The following TMEM209 variants were observed in gnomAD, a reference collection of about 807,000 sequenced individuals.
TMEM209 encodes the protein transmembrane protein 209.
TMEM209 carries 65 observed loss-of-function variants against 76.2 expected under a neutral mutation model. That is an observed-to-expected ratio of 0.85 (90% CI 0.70 to 1.05). TMEM209 has a LOEUF of 1.05. Among genes scored for constraint, TMEM209 ranks in the 50% least tolerant of loss-of-function variants. The pLI, the probability that TMEM209 is intolerant of heterozygous loss-of-function variation, is 0.00. For synonymous variants in TMEM209, 239 were observed against 237.6 expected (o/e 1.01, Z -0.06); for missense variants, 623 against 685.5 (o/e 0.91, Z 1.02).
At chr7:130,180,350 G>A in intron 9 of TMEM209, among the ~76,000 whole-genome samples, 1 of 152,018 alleles carries the variant, frequency 6.6e-6, no homozygotes, top group East Asian at 1.9e-4. Context: ...ATTTAAAAAT[G>A]GGTAAAGGAA....
chr7:130,201,322 A>G (rs535102028), intron 5 of TMEM209, among the ~76,000 whole-genome samples: 1 of 152,200 alleles, frequency 6.6e-6, no homozygotes, highest in Non-Finnish European at 1.5e-5. Flanking sequence ...GTTTCTATTA[A>G]TCCTAAAAAT....
chr7:130,170,348 A>G, intron 14 of TMEM209, 52 bp downstream of exon 14: 1 of 1,457,860 alleles, frequency 6.9e-7, no homozygotes, highest in South Asian at 1.2e-5. Flanking sequence ...ATCTTAACAT[A>G]GGAAGAAAAT....
At chr7:130,193,951 C>G (rs1041943975) in intron 5 of TMEM209, among the ~76,000 whole-genome samples, 1 of 150,328 alleles carries the variant, frequency 6.7e-6, no homozygotes, top group Admixed American at 6.6e-5. Context: ...GTAGTCCCAG[C>G]ACTTTGGGAG....
intron 11 of TMEM209, among the ~76,000 whole-genome samples, chr7:130,174,259 C>G (rs1168218702): frequency 6.6e-6 from 1 of 152,090 alleles, no homozygotes; most frequent in Non-Finnish European, 1.5e-5. Flanking sequence ...AGGCTTAATT[C>G]AAATAATCTA....
rs1030123451 is a variant in TMEM209 at position 130,203,847 on chromosome 7, C to T, written c.141-1G>A. 1.3e-6 allele frequency: 2 copies of T among 1,585,322 alleles called. No homozygotes were observed. Among genetic ancestry groups the T allele is most frequent in the Non-Finnish European group, 1.7e-6 (2 of 1,167,438 alleles). The stretch of plus-strand genomic sequence containing the variant: ...GTATGAACTAATCAATTTTCCAGTC[C>T]TGAAAAAAAATTAGAAAGGCTTTCC... On this transcript the variant is annotated splice_acceptor_variant, in intron 2 of 14. Transcript: ENST00000397622. LOFTEE classifies it high-confidence loss of function.
chr7:130,170,582 T>C, intron 13 of TMEM209, 109 bp from the exon 14 acceptor site: 1 of 831,832 alleles, frequency 1.2e-6, no homozygotes, highest in African/African-American at 1.7e-5. Flanking sequence ...GAATTCCATA[T>C]AATTCAGACT....
At chr7:130,189,331 G>C (rs1050844542) in intron 6 of TMEM209, among the ~76,000 whole-genome samples, 1 of 152,096 alleles carries the variant, frequency 6.6e-6, no homozygotes, top group African/African-American at 2.4e-5. Context: ...AGAGTGGCTG[G>C]GATACAGGCT....
chr7:130,173,934 G>C lies in TMEM209; in HGVS notation c.1350C>G (p.Ile450Met). 1 of 1,599,296 alleles carries C rather than the reference G, an allele frequency of 6.3e-7. No homozygotes were observed. The highest frequency in any genetic ancestry group is 8.6e-7 in the Non-Finnish European group (1 of 1,166,752). Reference sequence around the variant, plus strand: ...CAAGGTAGGTGCAAAATACATGCATGATGATCTGAGGATGAAGAAATAATT... The same window carrying C: ...CAAGGTAGGTGCAAAATACATGCATCATGATCTGAGGATGAAGAAATAATT... ...DTDLPTDSAIIMHVFCTYLDS... is the reference protein window; with the variant it reads ...DTDLPTDSAIMMHVFCTYLDS... The change falls in exon 12 of 15, where the codon ATC becomes ATG. Residue 450 changes from isoleucine (I) to methionine (M), a missense_variant. By Grantham distance (10) the Ile-to-Met change is conservative. Transcript: ENST00000397622.
In TMEM209 at chr7:130,175,513, G is replaced by C; in HGVS notation, c.1343C>G (p.Ala448Gly). 6.2e-7 allele frequency: 1 copy of C among 1,611,206 alleles called. No homozygotes were observed. Among genetic ancestry groups the C allele is most frequent in the Non-Finnish European group, 8.5e-7 (1 of 1,178,620 alleles). ...KWDTDLPTDS[A>G]IIMHVFCTYL... ...GAATGAAAGAATCTAGGGGCTTACA[G>C]CAGAATCGGTGGGCAGGTCTGTATC... The change falls in exon 11 of 15, where the codon GCT becomes GGT. Residue 448 changes from alanine to glycine, a missense_variant and splice_region_variant. Coordinates refer to ENST00000397622, the MANE Select transcript of TMEM209 (RefSeq NM_032842.4).
chr7:130,169,681 C>G (rs528265533), intron 14 of TMEM209, among the ~76,000 whole-genome samples: 3 of 151,996 alleles, frequency 2.0e-5, no homozygotes, highest in Non-Finnish European at 4.4e-5. Context: ...AACTTAAAGA[C>G]GCATGCATAT....
Position 130,192,658 on chromosome 7 carries a change from T to C in TMEM209, c.739A>G (p.Arg247Gly), listed in dbSNP as rs1310076555. The C allele has an allele frequency of 6.2e-7, 1 of 1,613,630 alleles. No individual in the cohort carries two copies. Among genetic ancestry groups the C allele is most frequent in the Non-Finnish European group, 8.5e-7 (1 of 1,179,732 alleles). Residue 247 changes from arginine to glycine, a missense_variant, in exon 6 of 15, where the codon AGA becomes GGA. Physicochemically the swap from Arg to Gly is moderately radical, Grantham distance 125. Coordinates refer to ENST00000397622, the MANE Select transcript of TMEM209 (RefSeq NM_032842.4). ...CTATGCTGTTTCTCCTCTTCACTTC[T>C]GAGAAAAGTATCCAAAGTTCGTAGG... ...TDLRTLDTFL[R>G]SEEEKQHRVK...
At chr7:130,173,593 A>G (rs759368119) in intron 13 of TMEM209, 39 bp downstream of exon 13, 3 of 1,475,628 alleles carry the variant, frequency 2.0e-6, no homozygotes, top group Non-Finnish European at 2.8e-6. Context: ...CAAATCACCC[A>G]AGACATTCTG....
At chr7:130,194,996 A>G (rs1256018693) in intron 5 of TMEM209, among the ~76,000 whole-genome samples, 2 of 152,020 alleles carry the variant, frequency 1.3e-5, no homozygotes, top group East Asian at 1.9e-4. Flanking sequence ...TATATACACT[A>G]TATCTGGGCT....
chr7:130,177,167 A>G (rs1797263180), intron 10 of TMEM209, among the ~76,000 whole-genome samples: 1 of 152,114 alleles, frequency 6.6e-6, no homozygotes, highest in Non-Finnish European at 1.5e-5. Flanking sequence ...CCTGACCAAC[A>G]TGGTGAAACC....
chr7:130,170,319 T>A (rs771003612), intron 14 of TMEM209, 81 bp downstream of exon 14: 2 of 1,175,102 alleles, frequency 1.7e-6, no homozygotes, highest in African/African-American at 1.5e-5. Flanking sequence ...TTCAGTTACA[T>A]GCTGCTGCCT....
chr7:130,184,331 C>T, intron 7 of TMEM209, 76 bp from the exon 8 acceptor site: 1 of 1,088,776 alleles, frequency 9.2e-7, no homozygotes, highest in Non-Finnish European at 1.3e-6. Flanking sequence ...TTCTCCCATC[C>T]TAAAAAATAT....
At chr7:130,173,803 T>C in intron 12 of TMEM209, 22 bp downstream of exon 12, 1 of 1,610,186 alleles carries the variant, frequency 6.2e-7, no homozygotes, top group Non-Finnish European at 8.5e-7. Flanking sequence ...TCTCAACACA[T>C]TCTTTTAGGA....
intron 6 of TMEM209, 71 bp from the exon 7 acceptor site, chr7:130,185,438 TA>T: frequency 2.3e-6 from 3 of 1,328,616 alleles, no homozygotes; most frequent in Non-Finnish European, 2.1e-6. Context: ...CACTTATATC[TA>T]GGCAATGGCA....
At chr7:130,166,577 A>C (rs1286029996) in intron 14 of TMEM209, 72 bp from the exon 15 acceptor site, 8 of 902,070 alleles carry the variant, frequency 8.9e-6, no homozygotes, top group East Asian at 2.8e-5. Flanking sequence ...ATAACAAAAA[A>C]CTTTATGAAT....
Sources: gnomAD v4.1 joint callset for allele counts (sites outside exome capture counted in the v4.1 genomes callset) on GRCh38, gnomAD v4.1.1 for gene constraint, MANE v1.5 for transcripts, NCBI Gene and HGNC (gene_info 2026-07-23, HGNC 2026-07-21) for gene names.